FOCAD: variants seen among roughly 807,000 people sequenced by gnomAD.
FOCAD encodes the protein focadhesin.
FOCAD carries 198 observed loss-of-function variants against 225.6 expected under a neutral mutation model. The observed-to-expected ratio is 0.88, with a 90% CI of 0.78 to 0.99. The LOEUF (loss-of-function observed/expected upper bound fraction) is 0.99, where lower values mean the gene tolerates loss of function less well. FOCAD is among the 50% of genes least tolerant of loss of function. The pLI, the probability that FOCAD is intolerant of heterozygous loss-of-function variation, is 0.00. For synonymous variants in FOCAD, 897 were observed against 755.0 expected, an observed-to-expected ratio of 1.19 and a Z score of -3.08; for missense variants, 2,713 against 2,123.6, an observed-to-expected ratio of 1.28 and a Z score of -5.46.
At chr9:20,974,337 G>C (rs372764229) in intron 35 of FOCAD, among the ~76,000 whole-genome samples, 45 of 106,138 alleles carry the variant, frequency 4.2e-4, no homozygotes, top group Admixed American at 8.1e-4. Flanking sequence ...TCCTATGTTT[G>C]TCCTTTCTGT....
At chr9:20,943,379 C>T (rs535799802) in intron 28 of FOCAD, among the ~76,000 whole-genome samples, 64 of 152,224 alleles carry the variant, frequency 4.2e-4, no homozygotes, top group African/African-American at 1.4e-3. Flanking sequence ...CCTTCTCATA[C>T]GTATTCCATC....
intron 8 of FOCAD, among the ~76,000 whole-genome samples, chr9:20,778,275 C>T (rs953641007): frequency 1.3e-5 from 2 of 151,808 alleles, no homozygotes; most frequent in Non-Finnish European, 2.9e-5. Flanking sequence ...GATGGAATCT[C>T]GCTCTGCCAC....
intron 35 of FOCAD, among the ~76,000 whole-genome samples, chr9:20,961,907 C>G (rs7025851): frequency 0.35 from 52,455 of 152,004 alleles, 9,360 homozygotes; most frequent in East Asian, 0.51. Flanking sequence ...TCGGTCTTAA[C>G]ATAGAAAACC....
At chr9:20,757,061 C>G (rs1227964245) in intron 5 of FOCAD, among the ~76,000 whole-genome samples, 1 of 152,160 alleles carries the variant, frequency 6.6e-6, no homozygotes, top group Non-Finnish European at 1.5e-5. Context: ...TCCTGAGTAG[C>G]TGGGATTACA....
At chr9:20,976,793 G>A (rs1290649846) in intron 36 of FOCAD, among the ~76,000 whole-genome samples, 3 of 152,140 alleles carry the variant, frequency 2.0e-5, no homozygotes, top group Non-Finnish European at 2.9e-5. Context: ...TGAGGTTTGC[G>A]CACTGCTGGG....
chr9:20,925,907 C>A (rs902602425), intron 25 of FOCAD, among the ~76,000 whole-genome samples: 16 of 152,284 alleles, frequency 1.1e-4, no homozygotes, highest in Admixed American at 9.2e-4. Flanking sequence ...TTATTGCCTC[C>A]TTTGTCAAAT....
chr9:20,950,467 A>G (rs1363318188), intron 33 of FOCAD, among the ~76,000 whole-genome samples: 2 of 152,220 alleles, frequency 1.3e-5, no homozygotes, highest in Admixed American at 6.5e-5. Context: ...GCATGTATGA[A>G]TAGAAATATT....
At chr9:20,900,566 T>TA (rs1832471751) in intron 21 of FOCAD, among the ~76,000 whole-genome samples, 1 of 151,918 alleles carries the variant, frequency 6.6e-6, no homozygotes, top group Admixed American at 6.6e-5. Context: ...ATCTTTATTT[T>TA]AAAAAACATA....
intron 7 of FOCAD, 75 bp downstream of exon 7, chr9:20,765,148 C>G: frequency 7.5e-7 from 1 of 1,327,864 alleles, no homozygotes; most frequent in Non-Finnish European, 1.0e-6. Flanking sequence ...CAAAGTAGTT[C>G]TAGAACATAA....
intron 1 of FOCAD, among the ~76,000 whole-genome samples, chr9:20,713,580 A>G (rs1487300154): frequency 1.3e-5 from 2 of 152,208 alleles, no homozygotes; most frequent in African/African-American, 2.4e-5. Context: ...TTAAAAAATT[A>G]TCTGCTGCTT....
At chr9:20,701,670 G>A (rs1475030805) in intron 1 of FOCAD, among the ~76,000 whole-genome samples, 1 of 152,214 alleles carries the variant, frequency 6.6e-6, no homozygotes, top group Non-Finnish European at 1.5e-5. Flanking sequence ...TATAACCAAA[G>A]AACATATACA....
At chr9:20,946,109 ATTCATTC>A in intron 29 of FOCAD, among the ~76,000 whole-genome samples, 1 of 152,124 alleles carries the variant, frequency 6.6e-6, no homozygotes. Context: ...TCATTCATTC[ATTCATTC>A]ATTCATCAAC....
chr9:20,784,623 C>G (rs1287947407), intron 10 of FOCAD, among the ~76,000 whole-genome samples: 1 of 152,146 alleles, frequency 6.6e-6, no homozygotes, highest in East Asian at 1.9e-4. Flanking sequence ...TTAGAGACAG[C>G]TTGACTGAGC....
chr9:20,895,348 GA>G (rs1164112712), intron 21 of FOCAD, among the ~76,000 whole-genome samples: 1 of 151,862 alleles, frequency 6.6e-6, no homozygotes, highest in Middle Eastern at 3.2e-3. Flanking sequence ...TGTTATCCAG[GA>G]AGCAACTTGG....
chr9:20,769,913 T>C lies in FOCAD; in HGVS notation c.700-119T>C, dbSNP rs561463820. On this transcript the variant is annotated intron_variant, in intron 7 of 43. Transcript: ENST00000338382. Reference sequence around the variant, plus strand: ...TGGAGTTCTGTAACTTTTTTTCATCTCCTTTAAGTCTTTATAGGTTTAGAG... The same window carrying C: ...TGGAGTTCTGTAACTTTTTTTCATCCCCTTTAAGTCTTTATAGGTTTAGAG... 4.8e-6 allele frequency: 4 copies of C among 829,866 alleles called. No homozygotes were observed. In the East Asian group the frequency reaches 1.1e-4, roughly 22 times the overall value. 51.4% of individuals were successfully genotyped at this position (829,866 alleles called of 1,614,324 possible).
intron 43 of FOCAD, among the ~76,000 whole-genome samples, chr9:20,994,426 G>A (rs955423363): frequency 6.6e-6 from 1 of 152,212 alleles, no homozygotes; most frequent in Non-Finnish European, 1.5e-5. Flanking sequence ...TTCACCTTCA[G>A]AAAGTTGCCT....
At chr9:20,957,478 C>CCTTTTTTTTTTTTTT (rs1838272117) in intron 35 of FOCAD, 1 of 81,480 alleles carries the variant, frequency 1.2e-5, no homozygotes, top group African/African-American at 4.9e-5. Context: ...CTTTTCTTTT[C>CCTTTTTTTTTTTTTT]TTTTTTTTTT....
At position 20,944,544 on chromosome 9, in the gene FOCAD, G is replaced by A. The variant is rs755353287; in HGVS notation, c.3408-83G>A. 4.4e-5 allele frequency: 65 copies of A among 1,480,806 alleles called. No homozygotes were observed. The Middle Eastern group carries it at 3.9e-3, about 89-fold the overall frequency. 91.7% of individuals were successfully genotyped at this position (1,480,806 alleles called of 1,614,324 possible). A position where few individuals can be genotyped will look rare whatever the true frequency, so the allele number is the denominator to read the frequency against. The stretch of plus-strand genomic sequence containing the variant: ...CCAGCCATCTCACCAAGGTTTGAGA[G>A]CTCTGTAAACACCCGTGGTAAGTGA... On this transcript the variant is annotated intron_variant, in intron 28 of 43. Transcript: ENST00000338382.
intron 11 of FOCAD, among the ~76,000 whole-genome samples, chr9:20,792,634 T>A (rs940005204): frequency 3.3e-5 from 5 of 152,236 alleles, no homozygotes; most frequent in African/African-American, 1.2e-4. Flanking sequence ...TTATTTTCTT[T>A]TTACATTTTG....
Sources: allele counts gnomAD v4.1 joint callset (sites outside exome capture counted in the v4.1 genomes callset), GRCh38; gene constraint gnomAD v4.1.1; transcripts MANE v1.5; gene names NCBI Gene and HGNC (gene_info 2026-07-23, HGNC 2026-07-21).